ASAP1: variants seen among roughly 807,000 people sequenced by gnomAD.
ASAP1 encodes the protein ArfGAP with SH3 domain, ankyrin repeat and PH domain 1.
Under a neutral mutation model 145.2 loss-of-function variants are expected in ASAP1, and 43 were observed. The ratio of observed to expected loss-of-function variants is 0.30; its 90% CI spans 0.23 to 0.38. The LOEUF (loss-of-function observed/expected upper bound fraction) is 0.38, where lower values mean the gene tolerates loss of function less well. ASAP1 is among the 10% of genes least tolerant of loss of function. ASAP1 has a pLI of 1.00. For missense variants in ASAP1, 1,018 were observed against 1,355.3 expected, an observed-to-expected ratio of 0.75 and a Z score of 3.91; for synonymous variants, 546 against 515.5, an observed-to-expected ratio of 1.06 and a Z score of -0.80.
chr8:130,143,655 TTAGC>T (rs1225382568), intron 13 of ASAP1, among the ~76,000 whole-genome samples: 2 of 152,150 alleles, frequency 1.3e-5, no homozygotes, highest in Non-Finnish European at 2.9e-5. Flanking sequence ...AAGTGGCTGT[TTAGC>T]TAGGAAAATC....
chr8:130,111,021 C>T (rs1554824672), intron 24 of ASAP1, among the ~76,000 whole-genome samples: 2 of 151,930 alleles, frequency 1.3e-5, no homozygotes, highest in Non-Finnish European at 2.9e-5. Context: ...TAATGGTAGC[C>T]TGAGGCGCCA....
chr8:130,316,551 T>A (rs1393889468), intron 3 of ASAP1, among the ~76,000 whole-genome samples: 3 of 152,264 alleles, frequency 2.0e-5, no homozygotes. Flanking sequence ...GTGTTATTTA[T>A]ATGGGTTCTG....
chr8:130,107,495 C>CTT (rs764936248), intron 24 of ASAP1, among the ~76,000 whole-genome samples: 1,823 of 139,400 alleles, frequency 0.013, 31 homozygotes, highest in Middle Eastern at 0.035. Flanking sequence ...CATAGTCTCT[C>CTT]TTTTTTTTTT....
chr8:130,075,206 C>A (rs922313246), intron 27 of ASAP1, among the ~76,000 whole-genome samples: 1 of 152,092 alleles, frequency 6.6e-6, no homozygotes, highest in Admixed American at 6.6e-5. Context: ...GCCCGTTGGG[C>A]AGAGTTTAAA....
Position 130,237,428 on chromosome 8 carries a change from G to A in ASAP1, c.187-434C>T, listed in dbSNP as rs557582655. Among the ~76,000 whole-genome samples the A allele has an allele frequency of 1.1e-4, 16 of 152,140 alleles. No individual in the cohort carries two copies. In the East Asian group the frequency reaches 3.1e-3, roughly 29 times the overall value. ...AATTTTAGCCAGAAAAACATTTCAA[G>A]GGGTATAATGAGTAGGAATGACCTG... On this transcript the variant is annotated intron_variant, in intron 3 of 29. Coordinates refer to ENST00000518721, the MANE Select transcript of ASAP1 (RefSeq NM_018482.4).
At chr8:130,061,150 T>C in intron 27 of ASAP1, 81 bp from the exon 28 acceptor site, 3 of 1,497,096 alleles carry the variant, frequency 2.0e-6, no homozygotes, top group South Asian at 2.8e-5. Flanking sequence ...GGCACCATCA[T>C]CATGAAGGGA....
At chr8:130,141,557 G>A (rs986311808) in intron 13 of ASAP1, among the ~76,000 whole-genome samples, 29 of 151,948 alleles carry the variant, frequency 1.9e-4, no homozygotes, top group Non-Finnish European at 4.4e-5. Context: ...TCTCACTAAG[G>A]ACACACACAT....
At chr8:130,428,074 T>C (rs964154422) in intron 1 of ASAP1, among the ~76,000 whole-genome samples, 3 of 152,138 alleles carry the variant, frequency 2.0e-5, no homozygotes, top group Non-Finnish European at 4.4e-5. Context: ...CACCATTGTC[T>C]ACATGGTGAC....
chr8:130,105,915 G>C (rs2097536201), intron 24 of ASAP1, among the ~76,000 whole-genome samples: 1 of 152,154 alleles, frequency 6.6e-6, no homozygotes. Context: ...TGATAATTAA[G>C]AAGAAAGTAC....
At chr8:130,195,598 A>C (rs1216671609) in intron 5 of ASAP1, among the ~76,000 whole-genome samples, 1 of 152,122 alleles carries the variant, frequency 6.6e-6, no homozygotes, top group Non-Finnish European at 1.5e-5. Context: ...ATTGCTTCTA[A>C]ATTTCTTTCC....
At chr8:130,229,069 C>T (rs930775965) in intron 4 of ASAP1, among the ~76,000 whole-genome samples, 3 of 152,152 alleles carry the variant, frequency 2.0e-5, no homozygotes, top group African/African-American at 7.2e-5. Flanking sequence ...CAAAGTCATC[C>T]TCTATCAACC....
rs529699719 is a variant in ASAP1 at position 130,183,325 on chromosome 8, A to T, written c.531-2445T>A. ...ATGGAACAATGCCTTCAACATTTAG[A>T]GATAAAATTATTATTATTATTGTTA... is the stretch of plus-strand genomic sequence containing the variant. On this transcript the variant is annotated intron_variant, in intron 7 of 29. Coordinates refer to ENST00000518721, the MANE Select transcript of ASAP1 (RefSeq NM_018482.4). 1.0e-3 allele frequency among the ~76,000 whole-genome samples: 155 copies of T among 152,112 alleles called. 1 individual carries two copies. The highest frequency in any genetic ancestry group is 3.6e-3 in the African/African-American group (149 of 41,490).
intron 11 of ASAP1, among the ~76,000 whole-genome samples, chr8:130,165,684 A>G (rs1321935010): frequency 6.6e-6 from 1 of 152,072 alleles, no homozygotes; most frequent in Non-Finnish European, 1.5e-5. Context: ...CACTCTGCCT[A>G]CTCCACAGGT....
At chr8:130,213,461 C>A (rs1476224510) in intron 5 of ASAP1, among the ~76,000 whole-genome samples, 1 of 152,126 alleles carries the variant, frequency 6.6e-6, no homozygotes, top group Non-Finnish European at 1.5e-5. Context: ...GTAAACTAAC[C>A]TTTTGTATCT....
rs930026734 is a variant in ASAP1, at chr8:130,358,233, C to T, written c.60-90G>A. On this transcript the variant is annotated intron_variant, in intron 2 of 29. Coordinates refer to ENST00000518721, the MANE Select transcript of ASAP1 (RefSeq NM_018482.4). The surrounding 1 kb of genome is among the most constrained non-coding windows in gnomAD (Gnocchi z 4.1). The stretch of plus-strand genomic sequence containing the variant: ...GCGGGCCGCCCGGAGGCTCATGAAC[C>T]CCGGCGCGCAGCCCGCCACCCGCCG... The T allele has an allele frequency of 1.4e-5, 15 of 1,041,168 alleles. No homozygotes were observed. In the African/African-American group the frequency reaches 1.7e-4, roughly 12 times the overall value. The allele number at this position is 1,041,168 out of a possible 1,614,324, so 64.5% of individuals were successfully genotyped here. A position where few individuals can be genotyped will look rare whatever the true frequency, so the allele number is the denominator to read the frequency against.
chr8:130,173,057 T>G (rs1307981705), intron 9 of ASAP1, among the ~76,000 whole-genome samples: 1 of 152,232 alleles, frequency 6.6e-6, no homozygotes, highest in Non-Finnish European at 1.5e-5. Context: ...AGTTTCTAAT[T>G]TTTTTCTTAA....
chr8:130,126,203 C>T (rs2097574707), intron 16 of ASAP1, 114 bp from the exon 17 acceptor site: 11 of 1,002,302 alleles, frequency 1.1e-5, no homozygotes, highest in Non-Finnish European at 1.4e-5. Context: ...GAAGAAAAGA[C>T]TTAAATGGAA....
intron 3 of ASAP1, among the ~76,000 whole-genome samples, chr8:130,353,185 A>G (rs1356115201): frequency 2.0e-5 from 3 of 152,342 alleles, no homozygotes; most frequent in African/African-American, 7.2e-5. Context: ...AAAGACCACT[A>G]GCTTCTCCAT....
In ASAP1 at chr8:130,118,233, G is replaced by A. The variant is rs920205348; in HGVS notation, c.1808C>T (p.Thr603Ile). 1 of 1,613,780 alleles carries A rather than the reference G, an allele frequency of 6.2e-7. No homozygotes were observed. Among genetic ancestry groups the A allele is most frequent in the African/African-American group, 1.3e-5 (1 of 74,890 alleles). Residue 603 changes from threonine to isoleucine, a missense_variant, in exon 20 of 30, where the codon ACA (threonine) becomes ATA (isoleucine). Transcript: ENST00000518721. ...AGTTCGGACGGCAAGGTGAAGGGCTGTCTCCCCAAGCTCCTAAAAAGGGAA... is the reference window on the plus strand; with the variant it reads ...AGTTCGGACGGCAAGGTGAAGGGCTATCTCCCCAAGCTCCTAAAAAGGGAA... ...LLEPGQELGE[T>I]ALHLAVRTAD...
Sources: allele counts gnomAD v4.1 joint callset (sites outside exome capture counted in the v4.1 genomes callset), GRCh38; gene constraint gnomAD v4.1.1; non-coding constraint Gnocchi (gnomAD v3.1); transcripts MANE v1.5; gene names NCBI Gene and HGNC (gene_info 2026-07-23, HGNC 2026-07-21).